ADAT1: variants seen among roughly 807,000 people sequenced by gnomAD.
ADAT1 encodes the protein tRNA-specific adenosine deaminase 1.
A neutral mutation model predicts 58.6 loss-of-function variants in ADAT1; 58 were observed. The observed-to-expected ratio is 0.99, with a 90% CI of 0.80 to 1.23. ADAT1 has a LOEUF of 1.23. Ranked by LOEUF, ADAT1 falls within the 50% of genes most tolerant of loss-of-function variation. The probability of loss-of-function intolerance (pLI) is 0.00; values close to 1 mark genes in which losing one functional copy is unlikely to be tolerated. For synonymous variants in ADAT1, 254 were observed against 220.8 expected, an observed-to-expected ratio of 1.15 and a Z score of -1.33; for missense variants, 741 against 608.6, an observed-to-expected ratio of 1.22 and a Z score of -2.29.
In ADAT1 at chr16:75,600,148, G is replaced by C; in HGVS notation, c.*68C>G. On this transcript the variant is annotated 3_prime_UTR_variant, in exon 10 of 10. Coordinates refer to ENST00000564657, the MANE Select transcript of ADAT1 (RefSeq NM_001324445.2). ...CTGATTTAACTACCAAAAAAGCTAA[G>C]ACTTGTCCTGCGTGGAGGAAGGCAG... 1 of 1,592,894 alleles carries C rather than the reference G, an allele frequency of 6.3e-7. No individual in the cohort carries two copies. Among genetic ancestry groups the C allele is most frequent in the South Asian group, 1.1e-5 (1 of 88,902 alleles).
intron 6 of ADAT1, among the ~76,000 whole-genome samples, chr16:75,609,347 C>T (rs2081456327): frequency 6.6e-6 from 1 of 152,110 alleles, no homozygotes; most frequent in Non-Finnish European, 1.5e-5. Flanking sequence ...CCAAAATTAT[C>T]CTATAATATA....
Position 75,598,803 on chromosome 16 carries a change from G to T in ADAT1, c.*1413C>A. 1 of 777,964 alleles carries T rather than the reference G, an allele frequency of 1.3e-6. No individual in the cohort carries two copies. The highest frequency in any genetic ancestry group is 1.6e-6 in the Non-Finnish European group (1 of 640,748). The allele number at this position is 777,964 out of a possible 1,614,324, so 48.2% of individuals were successfully genotyped here. On this transcript the variant is annotated 3_prime_UTR_variant, in exon 10 of 10. Coordinates refer to ENST00000564657, the MANE Select transcript of ADAT1 (RefSeq NM_001324445.2). ...CAAAGTGTTGGAATTACAGGCGTAA[G>T]CCACCGTGCCCGGCCTAAAAACTTT...
chr16:75,597,330 C>T lies in ADAT1; in HGVS notation c.*2886G>A, dbSNP rs372591758. 2.2e-4 allele frequency: 98 copies of T among 444,000 alleles called. No homozygotes were observed. Among genetic ancestry groups the T allele is most frequent in the South Asian group, 1.4e-3 (84 of 61,410 alleles). 27.5% of individuals were successfully genotyped at this position (444,000 alleles called of 1,614,324 possible). A position where few individuals can be genotyped will look rare whatever the true frequency, so the allele number is the denominator to read the frequency against. On this transcript the variant is annotated 3_prime_UTR_variant, in exon 10 of 10. Coordinates refer to ENST00000564657, the MANE Select transcript of ADAT1 (RefSeq NM_001324445.2). Reference sequence around the variant, plus strand: ...ACAGACACAGAAGGCCATGTGAAGACGGAGGGAGAAACTGAAGTGATGCAG... The same window carrying T: ...ACAGACACAGAAGGCCATGTGAAGATGGAGGGAGAAACTGAAGTGATGCAG...
At chr16:75,607,324 C>A (rs573127866) in intron 8 of ADAT1, among the ~76,000 whole-genome samples, 11 of 151,780 alleles carry the variant, frequency 7.2e-5, no homozygotes, top group Admixed American at 5.9e-4. Context: ...GCCAACATGG[C>A]GAAACCCCTC....
chr16:75,615,705 C>T (rs1008403311), intron 5 of ADAT1, among the ~76,000 whole-genome samples: 10 of 152,026 alleles, frequency 6.6e-5, no homozygotes, highest in Admixed American at 1.3e-4. Context: ...GGGATCACCC[C>T]GGTCCTAGCT....
chr16:75,608,374 G>C, intron 7 of ADAT1, 51 bp from the exon 8 acceptor site: 1 of 1,430,426 alleles, frequency 7.0e-7, no homozygotes, highest in African/African-American at 1.4e-5. Flanking sequence ...TCTTGTGAAA[G>C]TCAGAAGTAT....
chr16:75,602,994 A>T, intron 9 of ADAT1, 91 bp downstream of exon 9: 1 of 1,180,510 alleles, frequency 8.5e-7, no homozygotes, highest in Non-Finnish European at 1.2e-6. Flanking sequence ...TTGCTGAACC[A>T]CCACTCCTGC....
At chr16:75,620,516 C>T (rs1381917422) in intron 2 of ADAT1, 115 bp downstream of exon 2, 11 of 1,431,998 alleles carry the variant, frequency 7.7e-6, no homozygotes, top group Admixed American at 1.8e-5. Context: ...AGGACAAGCA[C>T]ATATGCCTAA....
intron 6 of ADAT1, 72 bp from the exon 7 acceptor site, chr16:75,609,060 C>T: frequency 6.4e-7 from 1 of 1,555,624 alleles, no homozygotes; most frequent in South Asian, 1.1e-5. Context: ...TTGTGGCTCA[C>T]ATCATCACCC....
At chr16:75,620,953 C>A in intron 1 of ADAT1, 133 bp from the exon 2 acceptor site, 1 of 640,998 alleles carries the variant, frequency 1.6e-6, no homozygotes, top group Non-Finnish European at 2.5e-6. Flanking sequence ...CTCTATGGAT[C>A]ATTTTCTTCT....
At chr16:75,620,547 C>A in intron 2 of ADAT1, 84 bp downstream of exon 2, 1 of 1,528,452 alleles carries the variant, frequency 6.5e-7, no homozygotes, top group Non-Finnish European at 9.0e-7. Flanking sequence ...CACACCCTAC[C>A]CACGACTGTA....
intron 9 of ADAT1, chr16:75,602,054 T>G (rs762715375): frequency 1.3e-5 from 2 of 152,140 alleles, no homozygotes; most frequent in African/African-American, 2.4e-5. Context: ...TGACTCATGG[T>G]GGGCCCCCGA....
At chr16:75,607,501 CAAAAA>C (rs200929671) in intron 8 of ADAT1, among the ~76,000 whole-genome samples, 1 of 102,204 alleles carries the variant, frequency 9.8e-6, no homozygotes, top group African/African-American at 3.8e-5. Context: ...GACTCTATCT[CAAAAA>C]AAAAAAAAAA....
chr16:75,618,233 G>A (rs968505397), intron 4 of ADAT1, among the ~76,000 whole-genome samples: 2 of 151,756 alleles, frequency 1.3e-5, no homozygotes, highest in Non-Finnish European at 1.5e-5. Flanking sequence ...TGGGTGAGGC[G>A]CGGTGGCTCA....
chr16:75,604,755 A>T (rs555959510), intron 8 of ADAT1, among the ~76,000 whole-genome samples: 5 of 152,218 alleles, frequency 3.3e-5, no homozygotes, highest in African/African-American at 1.2e-4. Context: ...TCTGGCCAGC[A>T]GGACAGAAAA....
intron 6 of ADAT1, among the ~76,000 whole-genome samples, chr16:75,609,684 A>G (rs893065334): frequency 1.3e-4 from 20 of 151,964 alleles, no homozygotes; most frequent in African/African-American, 4.8e-4. Flanking sequence ...ATTAGCATTC[A>G]CTCTCTATTC....
In ADAT1 at chr16:75,622,633, T is replaced by C. The variant is rs907351430; in HGVS notation, c.-252A>G. The C allele has an allele frequency of 2.0e-5, 3 of 152,202 alleles. No individual in the cohort carries two copies. The highest frequency in any genetic ancestry group is 2.0e-4 in the Admixed American group (3 of 15,270). The allele number at this position is 152,202 out of a possible 1,614,324, so 9.4% of individuals were successfully genotyped here. On this transcript the variant is annotated 5_prime_UTR_variant, in exon 1 of 10. Transcript: ENST00000564657. ...ACAATTGTTTAAATGAATAAATGTTTTGCTACACTGGGTCCATTATAATTC... is the reference window on the plus strand; with the variant it reads ...ACAATTGTTTAAATGAATAAATGTTCTGCTACACTGGGTCCATTATAATTC...
intron 5 of ADAT1, among the ~76,000 whole-genome samples, chr16:75,615,385 G>T (rs184923206): frequency 7.6e-4 from 109 of 142,922 alleles, no homozygotes; most frequent in Non-Finnish European, 1.2e-3. Context: ...CTACATAAGT[G>T]TCCAGTATTT....
intron 2 of ADAT1, 47 bp from the exon 3 acceptor site, chr16:75,620,381 C>A: frequency 1.3e-6 from 2 of 1,599,012 alleles, no homozygotes; most frequent in Non-Finnish European, 1.7e-6. Context: ...ACGGAATGTT[C>A]CCCGGTGTTC....
Sources: gnomAD v4.1 joint callset for allele counts (sites outside exome capture counted in the v4.1 genomes callset) on GRCh38, gnomAD v4.1.1 for gene constraint, MANE v1.5 for transcripts, NCBI Gene and HGNC (gene_info 2026-07-23, HGNC 2026-07-21) for gene names.